ATP6V0A1: variants seen among roughly 807,000 people sequenced by gnomAD.
ATP6V0A1 encodes the protein V-type proton ATPase 116 kDa subunit a 1.
A neutral mutation model predicts 105.4 loss-of-function variants in ATP6V0A1; 43 were observed. The observed-to-expected ratio is 0.41, with a 90% CI of 0.32 to 0.53. ATP6V0A1 has a LOEUF of 0.53. Among genes scored for constraint, ATP6V0A1 ranks in the 20% least tolerant of loss-of-function variants. The pLI, the probability that ATP6V0A1 is intolerant of heterozygous loss-of-function variation, is 0.30. For synonymous variants in ATP6V0A1, 362 were observed against 372.8 expected (o/e 0.97, Z 0.33); for missense variants, 676 against 1,051.1 (o/e 0.64, Z 4.93).
intron 14 of ATP6V0A1, among the ~76,000 whole-genome samples, chr17:42,498,449 A>G (rs2091382793): frequency 1.3e-5 from 2 of 152,154 alleles, no homozygotes; most frequent in Admixed American, 1.3e-4. Flanking sequence ...AAGCAGAGTG[A>G]TAGGTGCCTG....
In ATP6V0A1 at chr17:42,495,668, A is replaced by T; in HGVS notation, c.1512A>T (p.Pro504=). 6.2e-7 allele frequency: 1 copy of T among 1,614,128 alleles called. No homozygotes were observed. The highest frequency in any genetic ancestry group is 1.7e-5 in the Admixed American group (1 of 60,022). ...GGAACCCTGTTCTACAGCTGAACCC[A>T]GCCCTCCCTGGAGTGTTTGGTGGAC... ...LRGNPVLQLN[P]ALPGVFGGPY... The change falls in exon 14 of 22, where the codon CCA becomes CCT. Residue 504 remains proline, a synonymous_variant. Coordinates refer to ENST00000343619, the MANE Select transcript of ATP6V0A1 (RefSeq NM_001130021.3).
intron 7 of ATP6V0A1, chr17:42,479,021 T>G (rs1365172831): frequency 6.6e-6 from 1 of 152,638 alleles, no homozygotes; most frequent in Non-Finnish European, 1.5e-5. Context: ...TTCTCCTGCC[T>G]CAGCCTCCCG....
At chr17:42,501,138 T>C in intron 16 of ATP6V0A1, 59 bp from the exon 17 acceptor site, 2 of 1,413,246 alleles carry the variant, frequency 1.4e-6, no homozygotes, top group South Asian at 1.2e-5. Flanking sequence ...ATTTGGAAAC[T>C]GCGTATGTGA....
chr17:42,520,435 T>C (rs1567880371), intron 21 of ATP6V0A1: 1 of 456,428 alleles, frequency 2.2e-6, no homozygotes, highest in Non-Finnish European at 4.4e-6. Context: ...TTCTTTTTAG[T>C]CCCCAAGAGA....
At chr17:42,499,243 G>A (rs766486620) in intron 15 of ATP6V0A1, among the ~76,000 whole-genome samples, 2 of 152,180 alleles carry the variant, frequency 1.3e-5, no homozygotes, top group African/African-American at 2.4e-5. Flanking sequence ...GGCCAAGGCC[G>A]GTGGATCACC....
intron 11 of ATP6V0A1, among the ~76,000 whole-genome samples, chr17:42,492,107 G>A (rs1260622665): frequency 1.3e-5 from 2 of 152,116 alleles, no homozygotes; most frequent in Admixed American, 6.5e-5. Flanking sequence ...GGTGGCTCAC[G>A]CCTGTAATCC....
Position 42,495,036 on chromosome 17 carries a change from G to A in ATP6V0A1, c.1317G>A (p.Met439Ile). The A allele has an allele frequency of 6.2e-7, 1 of 1,613,502 alleles. No homozygotes were observed. The highest frequency in any genetic ancestry group is 8.5e-7 in the Non-Finnish European group (1 of 1,179,492). Residue 439 changes from methionine to isoleucine, a missense_variant and splice_region_variant, in exon 13 of 22, where the codon ATG (methionine) becomes ATA (isoleucine). Coordinates refer to ENST00000343619, the MANE Select transcript of ATP6V0A1 (RefSeq NM_001130021.3). The stretch of plus-strand genomic sequence containing the variant: ...TACTTCTTTCTTCTGGTTCCCAGAT[G>A]TTTAGCACTGTGTTCAGTGGTCGAT... ...RILSQKNENE[M>I]FSTVFSGRYI...
At chr17:42,498,841 TA>T in intron 14 of ATP6V0A1, 82 bp from the exon 15 acceptor site, 1 of 956,168 alleles carries the variant, frequency 1.0e-6, no homozygotes, top group Admixed American at 2.1e-5. Flanking sequence ...AATAAATAAA[TA>T]AAAATTGTTT....
At chr17:42,517,234 C>T (rs1028976568) in intron 21 of ATP6V0A1, among the ~76,000 whole-genome samples, 1 of 152,066 alleles carries the variant, frequency 6.6e-6, no homozygotes, top group Non-Finnish European at 1.5e-5. Context: ...GAGCCAAGAT[C>T]GCGCCACTGC....
In ATP6V0A1 at chr17:42,470,114, G is replaced by A; in HGVS notation, c.319G>A (p.Glu107Lys). 6.2e-7 allele frequency: 1 copy of A among 1,607,898 alleles called. No individual in the cohort carries two copies. The highest frequency in any genetic ancestry group is 8.5e-7 in the Non-Finnish European group (1 of 1,176,402). ...GGCCAATTTTGAGAAGATTGAAAAT[G>A]AACTGAAGGAAATCAACACAAACCA... is the stretch of plus-strand genomic sequence containing the variant. Reference protein sequence around the residue: ...LEANFEKIENELKEINTNQEA... With the variant: ...LEANFEKIENKLKEINTNQEA... Residue 107 changes from glutamate to lysine, a missense_variant, in exon 5 of 22, where the codon GAA becomes AAA. Glu to Lys is a moderately conservative substitution (Grantham distance 56). This residue lies in a region of ATP6V0A1 where 239 missense variants were observed against 388.4 expected (regional missense o/e 0.62). Coordinates refer to ENST00000343619, the MANE Select transcript of ATP6V0A1 (RefSeq NM_001130021.3).
intron 19 of ATP6V0A1, among the ~76,000 whole-genome samples, chr17:42,512,312 CTT>C (rs1398982159): frequency 1.3e-5 from 2 of 152,126 alleles, no homozygotes; most frequent in Non-Finnish European, 2.9e-5. Flanking sequence ...GTGGGAGAAA[CTT>C]GAGGTAGAAT....
At chr17:42,459,844 C>T (rs2086199791) in intron 1 of ATP6V0A1, among the ~76,000 whole-genome samples, 1 of 152,190 alleles carries the variant, frequency 6.6e-6, no homozygotes, top group Non-Finnish European at 1.5e-5. Flanking sequence ...TCCCAGCCTT[C>T]CAGAAGAGTA....
At chr17:42,517,232 A>T (rs1444599354) in intron 21 of ATP6V0A1, among the ~76,000 whole-genome samples, 2 of 152,140 alleles carry the variant, frequency 1.3e-5, no homozygotes, top group Non-Finnish European at 2.9e-5. Flanking sequence ...GTGAGCCAAG[A>T]TCGCGCCACT....
chr17:42,517,911 C>G (rs1406925711), intron 21 of ATP6V0A1: 1 of 152,178 alleles, frequency 6.6e-6, no homozygotes, highest in Admixed American at 6.5e-5. Flanking sequence ...ACATTTGATT[C>G]GATAACATAT....
rs1156272198 is a variant in ATP6V0A1 at position 42,507,647 on chromosome 17, G to T, written c.2112+20G>T. 6.2e-7 allele frequency: 1 copy of T among 1,601,746 alleles called. No homozygotes were observed. The highest frequency in any genetic ancestry group is 8.6e-7 in the Non-Finnish European group (1 of 1,169,052). ...GACGAGGTAAGATCCCGTGGTGTGG[G>T]CTTTCTCTCCTTCCACCTCGGGTCA... On this transcript the variant is annotated intron_variant, in intron 18 of 21. Transcript: ENST00000343619.
chr17:42,462,504 C>T (rs1416279856), intron 2 of ATP6V0A1, among the ~76,000 whole-genome samples: 1 of 152,070 alleles, frequency 6.6e-6, no homozygotes, highest in Non-Finnish European at 1.5e-5. Flanking sequence ...ATTGCAGCCT[C>T]CGCCTCCCAG....
chr17:42,507,609 C>T lies in ATP6V0A1; in HGVS notation c.2094C>T (p.His698=). ...EIIQHDQLST[H]SEDADEPSED... ...TTCAGCATGACCAGCTCTCCACCCACTCAGAGGACGCAGACGAGGTAAGAT... is the reference window on the plus strand; with the variant it reads ...TTCAGCATGACCAGCTCTCCACCCATTCAGAGGACGCAGACGAGGTAAGAT... The change falls in exon 18 of 22, where the codon CAC becomes CAT. Residue 698 remains histidine, a synonymous_variant. Transcript: ENST00000343619. 1 of 1,614,022 alleles carries T rather than the reference C, an allele frequency of 6.2e-7. No individual in the cohort carries two copies. Among genetic ancestry groups the T allele is most frequent in the African/African-American group, 1.3e-5 (1 of 75,038 alleles).
At chr17:42,506,168 A>T (rs1054465021) in intron 17 of ATP6V0A1, among the ~76,000 whole-genome samples, 20 of 152,230 alleles carry the variant, frequency 1.3e-4, no homozygotes, top group Admixed American at 1.1e-3. Context: ...GGGTTCATGC[A>T]TTTAAAATTT....
At chr17:42,487,112 T>C in intron 9 of ATP6V0A1, 43 bp from the exon 10 acceptor site, 1 of 1,585,628 alleles carries the variant, frequency 6.3e-7, no homozygotes, top group Non-Finnish European at 8.7e-7. Flanking sequence ...GATCTAAAAC[T>C]GGTGTTAAAA....
Sources: allele counts gnomAD v4.1 joint callset (sites outside exome capture counted in the v4.1 genomes callset), GRCh38; gene constraint gnomAD v4.1.1; regional missense constraint gnomAD v4.1.1; transcripts MANE v1.5; gene names NCBI Gene and HGNC (gene_info 2026-07-23, HGNC 2026-07-21).